The following ANGPT1 variants were observed in gnomAD, a reference collection of about 807,000 sequenced individuals.
ANGPT1 encodes angiopoietin 1.
Under a neutral mutation model 62.2 loss-of-function variants are expected in ANGPT1, and 17 were observed. That is an observed-to-expected ratio of 0.27 (90% CI 0.19 to 0.41). The LOEUF (loss-of-function observed/expected upper bound fraction) is 0.41. Among genes scored for constraint, ANGPT1 ranks in the 10% least tolerant of loss-of-function variants. The pLI, the probability that ANGPT1 is intolerant of heterozygous loss-of-function variation, is 1.00. For synonymous variants in ANGPT1, 199 were observed against 198.9 expected (o/e 1.00, Z 0.00); for missense variants, 478 against 594.9 (o/e 0.80, Z 2.04).
rs1483462010 is a variant in ANGPT1 at position 107,251,113 on chromosome 8, C to T, written c.*742G>A. ...GTATGGGGGTGGTAAGTTTTCACCA[C>T]ATACATCCTTACTTGATTATGTTCA... On this transcript the variant is annotated 3_prime_UTR_variant, in exon 9 of 9. Coordinates refer to ENST00000517746, the MANE Select transcript of ANGPT1 (RefSeq NM_001146.5). 6.6e-6 allele frequency: 1 copy of T among 152,082 alleles called. No individual in the cohort carries two copies. Among genetic ancestry groups the T allele is most frequent in the African/African-American group, 2.4e-5 (1 of 41,432 alleles). The allele number at this position is 152,082 out of a possible 1,614,324, so 9.4% of individuals were successfully genotyped here.
intron 2 of ANGPT1, among the ~76,000 whole-genome samples, chr8:107,340,007 C>T (rs1326396940): frequency 6.6e-6 from 1 of 152,206 alleles, no homozygotes; most frequent in East Asian, 1.9e-4. Context: ...GACCCCATTG[C>T]TGCTTTATTT....
chr8:107,394,685 C>A (rs1816900950), intron 1 of ANGPT1, among the ~76,000 whole-genome samples: 1 of 152,176 alleles, frequency 6.6e-6, no homozygotes, highest in African/African-American at 2.4e-5. Context: ...TCCACATATC[C>A]TGAAGTGCAG....
rs544331334 is a variant in ANGPT1 at position 107,491,417 on chromosome 8, T to C, written c.297+5845A>G. Among the ~76,000 whole-genome samples, 3 of 152,254 alleles carry C rather than the reference T, an allele frequency of 2.0e-5. No homozygotes were observed. In the South Asian group the frequency reaches 6.2e-4, roughly 32 times the overall value. Reference sequence around the variant, plus strand: ...CAATAAGTAACACAGCATTATGCAGTAGCAAGTACCATGAAGAAATAAAAC... The same window carrying C: ...CAATAAGTAACACAGCATTATGCAGCAGCAAGTACCATGAAGAAATAAAAC... On this transcript the variant is annotated intron_variant, in intron 1 of 8. Coordinates refer to ENST00000517746, the MANE Select transcript of ANGPT1 (RefSeq NM_001146.5).
intron 5 of ANGPT1, among the ~76,000 whole-genome samples, chr8:107,301,107 G>A (rs1205055903): frequency 2.0e-5 from 3 of 151,878 alleles, no homozygotes; most frequent in Non-Finnish European, 4.4e-5. Context: ...AGCTGTATTT[G>A]TACTGCACCC....
At chr8:107,486,020 T>C (rs1005821647) in intron 1 of ANGPT1, among the ~76,000 whole-genome samples, 7 of 152,176 alleles carry the variant, frequency 4.6e-5, no homozygotes, top group Non-Finnish European at 7.4e-5. Context: ...GAGAATCAGC[T>C]ATTGTGCTTC....
intron 7 of ANGPT1, among the ~76,000 whole-genome samples, chr8:107,283,173 C>T (rs987897406): frequency 3.3e-5 from 5 of 152,200 alleles, no homozygotes; most frequent in African/African-American, 1.2e-4. Context: ...TTTCAAGTTT[C>T]AGGTCAAAAC....
intron 1 of ANGPT1, among the ~76,000 whole-genome samples, chr8:107,382,347 A>G (rs1477723527): frequency 6.6e-6 from 1 of 152,228 alleles, no homozygotes; most frequent in East Asian, 1.9e-4. Context: ...GATACATCAC[A>G]TACAATAGCA....
At chr8:107,495,059 A>G (rs1449207626) in intron 1 of ANGPT1, 1 of 152,236 alleles carries the variant, frequency 6.6e-6, no homozygotes, top group African/African-American at 2.4e-5. Context: ...AATTATCAGA[A>G]TAAAAATATC....
intron 1 of ANGPT1, among the ~76,000 whole-genome samples, chr8:107,366,585 AT>A (rs1045368307): frequency 6.6e-6 from 1 of 152,258 alleles, no homozygotes; most frequent in African/African-American, 2.4e-5. Context: ...TGTTGTCATT[AT>A]TTTTAAGTTA....
At chr8:107,279,730 C>T (rs1463212716) in intron 7 of ANGPT1, among the ~76,000 whole-genome samples, 2 of 149,418 alleles carry the variant, frequency 1.3e-5, no homozygotes, top group Non-Finnish European at 3.0e-5. Context: ...AACACACACA[C>T]ATACACACAC....
intron 1 of ANGPT1, among the ~76,000 whole-genome samples, chr8:107,398,780 C>A (rs1390829998): frequency 6.6e-6 from 1 of 152,076 alleles, no homozygotes; most frequent in Non-Finnish European, 1.5e-5. Context: ...AATGGTAAAA[C>A]AAGGAAAGAT....
intron 1 of ANGPT1, among the ~76,000 whole-genome samples, chr8:107,492,424 C>T (rs1399929588): frequency 6.6e-6 from 1 of 152,188 alleles, no homozygotes; most frequent in Non-Finnish European, 1.5e-5. Context: ...CAACCTCCGC[C>T]TCCTGGGTTC....
intron 7 of ANGPT1, among the ~76,000 whole-genome samples, chr8:107,266,844 A>T (rs947575784): frequency 6.6e-6 from 1 of 152,154 alleles, no homozygotes; most frequent in Non-Finnish European, 1.5e-5. Context: ...ACCCTTTCAC[A>T]TAAGATTTAC....
At chr8:107,417,235 T>C (rs1304288273) in intron 1 of ANGPT1, among the ~76,000 whole-genome samples, 1 of 152,158 alleles carries the variant, frequency 6.6e-6, no homozygotes, top group Non-Finnish European at 1.5e-5. Context: ...ATATATATCA[T>C]ATCATAATAT....
intron 1 of ANGPT1, among the ~76,000 whole-genome samples, chr8:107,410,330 T>C (rs539781956): frequency 8.5e-4 from 129 of 152,324 alleles, no homozygotes; most frequent in African/African-American, 2.5e-3. Flanking sequence ...ATTTTAGGAC[T>C]GATCTTCTAA....
chr8:107,475,495 C>T (rs1220073677), intron 1 of ANGPT1, among the ~76,000 whole-genome samples: 1 of 152,088 alleles, frequency 6.6e-6, no homozygotes, highest in African/African-American at 2.4e-5. Context: ...AGAAGAAAAC[C>T]TAGGCAATAC....
chr8:107,377,361 T>C (rs896651888), intron 1 of ANGPT1, among the ~76,000 whole-genome samples: 9 of 152,156 alleles, frequency 5.9e-5, no homozygotes, highest in South Asian at 2.1e-4. Context: ...CATTGGCATA[T>C]GCATAGCAGG....
intron 6 of ANGPT1, among the ~76,000 whole-genome samples, chr8:107,287,405 C>T (rs777620989): frequency 2.0e-5 from 3 of 152,130 alleles, no homozygotes; most frequent in Non-Finnish European, 4.4e-5. Context: ...GAAGAAGTGA[C>T]TAAAAAGAAC....
At chr8:107,329,420 C>G (rs1028005194) in intron 3 of ANGPT1, among the ~76,000 whole-genome samples, 17 of 152,014 alleles carry the variant, frequency 1.1e-4, no homozygotes, top group Admixed American at 6.6e-5. Flanking sequence ...AGTCATAGGT[C>G]TAGAATGGCC....
Sources: allele counts gnomAD v4.1 joint callset (sites outside exome capture counted in the v4.1 genomes callset), GRCh38; gene constraint gnomAD v4.1.1; transcripts MANE v1.5; gene names NCBI Gene and HGNC (gene_info 2026-07-23, HGNC 2026-07-21).